ZPLD1: variants seen among roughly 807,000 people sequenced by gnomAD.
The protein encoded by ZPLD1 is zona pellucida like domain containing 1, also known as zona pellucida-like domain-containing protein 1.
In ZPLD1, 34 loss-of-function variants were observed where a neutral mutation model predicts 47.2. The ratio of observed to expected loss-of-function variants is 0.72; its 90% CI spans 0.55 to 0.96. The LOEUF (loss-of-function observed/expected upper bound fraction) is 0.96. Among genes scored for constraint, ZPLD1 ranks in the 40% least tolerant of loss-of-function variants. The probability of loss-of-function intolerance (pLI) is 0.00; values close to 1 mark genes in which losing one functional copy is unlikely to be tolerated. For missense variants in ZPLD1, 512 were observed against 505.8 expected (o/e 1.01, Z -0.12); for synonymous variants, 176 against 186.2 (o/e 0.95, Z 0.45).
At chr3:102,394,465 TG>T (rs1256385037) in intron 7 of ZPLD1, among the ~76,000 whole-genome samples, 2 of 152,202 alleles carry the variant, frequency 1.3e-5, no homozygotes, top group African/African-American at 4.8e-5. Context: ...CTGGCTTTTA[TG>T]TTTAAATTGG....
intron 6 of ZPLD1, among the ~76,000 whole-genome samples, chr3:102,390,932 C>T (rs188801801): frequency 9.8e-4 from 149 of 151,542 alleles, no homozygotes; most frequent in African/African-American, 3.2e-3. Context: ...TTCTAGGCTC[C>T]CAAGAAAAAA....
chr3:102,394,141 A>G (rs1379495950), intron 7 of ZPLD1, among the ~76,000 whole-genome samples: 3 of 152,188 alleles, frequency 2.0e-5, no homozygotes, highest in African/African-American at 7.2e-5. Context: ...CTTCTGTAAC[A>G]TTGGTTCATA....
chr3:102,414,796 A>G (rs1163644164), intron 7 of ZPLD1, among the ~76,000 whole-genome samples: 1 of 151,916 alleles, frequency 6.6e-6, no homozygotes, highest in Non-Finnish European at 1.5e-5. Context: ...ATGTTTAAGT[A>G]TCATGCCATA....
chr3:102,418,388 T>C (rs1325791321), intron 8 of ZPLD1, among the ~76,000 whole-genome samples: 1 of 152,038 alleles, frequency 6.6e-6, no homozygotes, highest in Non-Finnish European at 1.5e-5. Flanking sequence ...GGGAAGTATC[T>C]TAAATATAGC....
chr3:102,454,389 G>A (rs1707381803), intron 4 of ZPLD1, among the ~76,000 whole-genome samples: 1 of 152,106 alleles, frequency 6.6e-6, no homozygotes, highest in Non-Finnish European at 1.5e-5. Context: ...GAGCCTATGT[G>A]GAGATGAGCA....
intron 7 of ZPLD1, among the ~76,000 whole-genome samples, chr3:102,402,853 G>A (rs1229830880): frequency 4.0e-5 from 6 of 151,864 alleles, no homozygotes; most frequent in South Asian, 4.2e-4. Context: ...TCCTTATATC[G>A]ATAAAAGCTG....
chr3:102,452,980 C>G lies in ZPLD1; in HGVS notation c.168C>G (p.Cys56Trp). The G allele has an allele frequency of 1.2e-6, 2 of 1,614,058 alleles. No individual in the cohort carries two copies. The highest frequency in any genetic ancestry group is 1.7e-6 in the Non-Finnish European group (2 of 1,179,988). Residue 56 changes from cysteine (C) to tryptophan (W), a missense_variant, in exon 4 of 12, where the codon TGC becomes TGG. Coordinates refer to ENST00000466937, the MANE Select transcript of ZPLD1 (RefSeq NM_001329788.2). ...CTATTACGATGAAGATTAATTTTTG[C>G]ACGGTACTTTTCTCGGGTTATTCGG... ...VQAITMKINF[C>W]TVLFSGYSET...
intron 7 of ZPLD1, among the ~76,000 whole-genome samples, chr3:102,415,145 C>T (rs926429440): frequency 2.6e-5 from 4 of 151,764 alleles, no homozygotes; most frequent in African/African-American, 9.7e-5. Context: ...GGCCTGAAAT[C>T]CCATTAGGAC....
intron 7 of ZPLD1, among the ~76,000 whole-genome samples, chr3:102,397,464 A>G (rs1706571052): frequency 6.6e-6 from 1 of 152,132 alleles, no homozygotes; most frequent in Non-Finnish European, 1.5e-5. Context: ...TCAATCAACA[A>G]GTCAACCAGT....
intron 3 of ZPLD1, among the ~76,000 whole-genome samples, chr3:102,452,615 C>A (rs545833544): frequency 6.6e-6 from 1 of 152,258 alleles, no homozygotes; most frequent in East Asian, 1.9e-4. Flanking sequence ...GGTTTCCACT[C>A]AATTCTCTGG....
intron 8 of ZPLD1, among the ~76,000 whole-genome samples, chr3:102,425,710 C>G (rs376683814): frequency 1.3e-5 from 2 of 151,944 alleles, no homozygotes; most frequent in Non-Finnish European, 2.9e-5. Context: ...ATATAATTTT[C>G]TTAGATTATG....
At chr3:102,424,886 G>T (rs1365309952) in intron 8 of ZPLD1, among the ~76,000 whole-genome samples, 1 of 151,932 alleles carries the variant, frequency 6.6e-6, no homozygotes, top group Non-Finnish European at 1.5e-5. Context: ...CACATTATTT[G>T]TTGCAAATTA....
At chr3:102,413,774 C>T (rs1199124276) in intron 7 of ZPLD1, among the ~76,000 whole-genome samples, 2 of 151,700 alleles carry the variant, frequency 1.3e-5, no homozygotes, top group Non-Finnish European at 1.5e-5. Context: ...AGGTGGAAAA[C>T]TGGAAGCTCA....
At chr3:102,425,865 G>A (rs568070597) in intron 8 of ZPLD1, among the ~76,000 whole-genome samples, 162 of 149,542 alleles carry the variant, frequency 1.1e-3, no homozygotes, top group Non-Finnish European at 1.9e-3. Flanking sequence ...TATGCCTTAA[G>A]CCTACTAGAT....
At chr3:102,450,658 T>C (rs1255537213) in intron 3 of ZPLD1, among the ~76,000 whole-genome samples, 1 of 152,056 alleles carries the variant, frequency 6.6e-6, no homozygotes, top group Non-Finnish European at 1.5e-5. Flanking sequence ...ACTGGATTAA[T>C]ATATTAACAG....
intron 6 of ZPLD1, among the ~76,000 whole-genome samples, chr3:102,386,129 C>T (rs1243938447): frequency 6.6e-6 from 1 of 152,020 alleles, no homozygotes; most frequent in African/African-American, 2.4e-5. Flanking sequence ...CATAAATTAC[C>T]CAAGAAATGC....
intron 6 of ZPLD1, among the ~76,000 whole-genome samples, chr3:102,391,603 A>T (rs906249843): frequency 1.3e-5 from 2 of 152,056 alleles, no homozygotes; most frequent in African/African-American, 4.8e-5. Flanking sequence ...ACTGGGAAGG[A>T]TCCAATAGCC....
rs116381053 is a variant in ZPLD1, at chr3:102,394,210, C to T, written c.-157+1985C>T. Among the ~76,000 whole-genome samples the T allele has an allele frequency of 2.1e-3, 323 of 152,234 alleles. 2 individuals are homozygous for T. Among genetic ancestry groups the T allele is most frequent in the Non-Finnish European group, 3.2e-3 (221 of 68,010 alleles). Reference sequence around the variant, plus strand: ...TAGAGGTAGAAAAGACCTGCTAGGGCATCTATTTCATTTAGAAGCTATCAA... The same window carrying T: ...TAGAGGTAGAAAAGACCTGCTAGGGTATCTATTTCATTTAGAAGCTATCAA... On this transcript the variant is annotated intron_variant, in intron 7 of 17. Transcript: ENST00000491959.
intron 8 of ZPLD1, among the ~76,000 whole-genome samples, chr3:102,466,429 C>A (rs1172302002): frequency 2.6e-5 from 4 of 151,914 alleles, no homozygotes. Context: ...GGAAAAATAT[C>A]GAAAATGGCA....
Sources: gnomAD v4.1 joint callset for allele counts (sites outside exome capture counted in the v4.1 genomes callset) on GRCh38, gnomAD v4.1.1 for gene constraint, MANE v1.5 for transcripts, NCBI Gene and HGNC (gene_info 2026-07-23, HGNC 2026-07-21) for gene names.